Variants in SIPA1L1 observed in about 807,000 individuals in gnomAD.
The protein encoded by SIPA1L1 is signal-induced proliferation-associated 1-like protein 1.
Under a neutral mutation model 162.7 loss-of-function variants are expected in SIPA1L1, and 26 were observed. The observed-to-expected ratio is 0.16, with a 90% CI of 0.12 to 0.22. The LOEUF is 0.22. Among genes scored for constraint, SIPA1L1 ranks in the 10% least tolerant of loss-of-function variants. The pLI is 1.00. For synonymous variants in SIPA1L1, 829 were observed against 837.4 expected (o/e 0.99, Z 0.17); for missense variants, 1,874 against 2,241.0 (o/e 0.84, Z 3.31).
intron 17 of SIPA1L1, among the ~76,000 whole-genome samples, chr14:71,717,521 C>T (rs1242001555): frequency 5.3e-5 from 8 of 152,158 alleles, no homozygotes; most frequent in East Asian, 1.9e-4. Context: ...TCCCTTCTTA[C>T]GTAATTCCTA....
At chr14:71,738,712 G>A (rs2085546122) in intron 23 of SIPA1L1, among the ~76,000 whole-genome samples, 1 of 152,108 alleles carries the variant, frequency 6.6e-6, no homozygotes, top group Non-Finnish European at 1.5e-5. Flanking sequence ...CAAGACATCA[G>A]CCACCAACAC....
chr14:71,722,257 T>C (rs567997992), intron 17 of SIPA1L1, among the ~76,000 whole-genome samples: 1 of 152,312 alleles, frequency 6.6e-6, no homozygotes, highest in African/African-American at 2.4e-5. Context: ...AAGGTGCTTT[T>C]TTGTGTGGAT....
intron 22 of SIPA1L1, among the ~76,000 whole-genome samples, chr14:71,735,760 A>T (rs2085229882): frequency 6.6e-6 from 1 of 152,178 alleles, no homozygotes; most frequent in African/African-American, 2.4e-5. Flanking sequence ...GCTGATGGTC[A>T]TGCTTATACA....
intron 5 of SIPA1L1, among the ~76,000 whole-genome samples, chr14:71,591,802 A>G (rs1299118827): frequency 6.6e-6 from 1 of 152,242 alleles, no homozygotes; most frequent in Admixed American, 6.5e-5. Flanking sequence ...ACATAATCTG[A>G]GTACAAAATC....
chr14:71,380,963 A>G (rs1432395878), intron 2 of SIPA1L1, among the ~76,000 whole-genome samples: 1 of 152,244 alleles, frequency 6.6e-6, no homozygotes, highest in African/African-American at 2.4e-5. Flanking sequence ...ATGGGAAGAA[A>G]TGAAGGAAAA....
At chr14:71,355,489 C>T (rs376323607) in intron 2 of SIPA1L1, among the ~76,000 whole-genome samples, 4 of 152,290 alleles carry the variant, frequency 2.6e-5, no homozygotes, top group Admixed American at 6.5e-5. Context: ...CATTCAAATA[C>T]GGCATTAGAT....
At chr14:71,625,042 A>T (rs984058157) in intron 7 of SIPA1L1, among the ~76,000 whole-genome samples, 1 of 152,144 alleles carries the variant, frequency 6.6e-6, no homozygotes, top group Non-Finnish European at 1.5e-5. Flanking sequence ...CATTACATTT[A>T]AAAATTACTC....
chr14:71,516,119 A>G (rs2051702792), intron 3 of SIPA1L1, among the ~76,000 whole-genome samples: 1 of 152,232 alleles, frequency 6.6e-6, no homozygotes, highest in Non-Finnish European at 1.5e-5. Flanking sequence ...AACTTGGATC[A>G]GGTCAGCTTG....
intron 19 of SIPA1L1, among the ~76,000 whole-genome samples, chr14:71,729,227 G>C (rs1053495659): frequency 6.6e-6 from 1 of 152,022 alleles, no homozygotes; most frequent in Non-Finnish European, 1.5e-5. Context: ...GTAGAGACGG[G>C]GTTTCACCAT....
chr14:71,687,260 A>T (rs147245257), intron 13 of SIPA1L1, among the ~76,000 whole-genome samples: 1 of 152,184 alleles, frequency 6.6e-6, no homozygotes, highest in East Asian at 1.9e-4. Flanking sequence ...TACCATCTGG[A>T]CTCCTCTCTT....
intron 2 of SIPA1L1, among the ~76,000 whole-genome samples, chr14:71,329,708 T>G (rs749051412): frequency 1.1e-4 from 16 of 152,226 alleles, no homozygotes; most frequent in Non-Finnish European, 2.2e-4. Flanking sequence ...TGAAGTTGAT[T>G]GTATTTTCAT....
intron 2 of SIPA1L1, among the ~76,000 whole-genome samples, chr14:71,346,957 C>CT (rs111518020): frequency 0.02 from 2,792 of 142,668 alleles, 32 homozygotes; most frequent in African/African-American, 0.028. Flanking sequence ...AATATGTAGT[C>CT]TTTTTTTTTT....
intron 2 of SIPA1L1, among the ~76,000 whole-genome samples, chr14:71,384,282 A>G (rs1167279008): frequency 6.6e-6 from 1 of 152,112 alleles, no homozygotes; most frequent in Non-Finnish European, 1.5e-5. Flanking sequence ...CCTAGGGAAG[A>G]GATAAGGTGA....
At chr14:71,647,907 C>G (rs1038809277) in intron 7 of SIPA1L1, among the ~76,000 whole-genome samples, 40 of 147,100 alleles carry the variant, frequency 2.7e-4, no homozygotes, top group African/African-American at 9.9e-4. Flanking sequence ...ATTTTTTTTT[C>G]TTATGTGTGC....
rs112807357 is a variant in SIPA1L1, at chr14:71,619,633, G to T, written c.1629+746G>T. Reference sequence around the variant, plus strand: ...AACTTGTATAATTGGGCCACTTATCGATTTATTGCCTCTCAGTTGCTAATT... The same window carrying T: ...AACTTGTATAATTGGGCCACTTATCTATTTATTGCCTCTCAGTTGCTAATT... On this transcript the variant is annotated intron_variant, in intron 6 of 23. Transcript: ENST00000381232. 4.7e-4 allele frequency among the ~76,000 whole-genome samples: 71 copies of T among 151,962 alleles called. 2 individuals carry two copies. Among genetic ancestry groups the T allele is most frequent in the African/African-American group, 1.6e-3 (68 of 41,398 alleles).
intron 4 of SIPA1L1, among the ~76,000 whole-genome samples, chr14:71,544,312 A>T: frequency 6.6e-6 from 1 of 151,610 alleles, no homozygotes; most frequent in East Asian, 1.9e-4. Flanking sequence ...GTGTGTATAT[A>T]CATATATGTA....
chr14:71,469,304 G>A (rs929459949), intron 2 of SIPA1L1, among the ~76,000 whole-genome samples: 1 of 152,208 alleles, frequency 6.6e-6, no homozygotes, highest in African/African-American at 2.4e-5. Context: ...GTGAGGGGTT[G>A]CTAGATCCAC....
chr14:71,430,974 T>C (rs1041036977), intron 2 of SIPA1L1, among the ~76,000 whole-genome samples: 19 of 152,174 alleles, frequency 1.2e-4, no homozygotes, highest in African/African-American at 4.3e-4. Context: ...AGGTCCTATA[T>C]AGATATACAT....
At chr14:71,604,638 A>G (rs1441156017) in intron 5 of SIPA1L1, among the ~76,000 whole-genome samples, 1 of 152,126 alleles carries the variant, frequency 6.6e-6, no homozygotes, top group African/African-American at 2.4e-5. Flanking sequence ...ATGAAGGATA[A>G]CTGCTGAGTA....
Sources: allele counts gnomAD v4.1 joint callset (sites outside exome capture counted in the v4.1 genomes callset), GRCh38; gene constraint gnomAD v4.1.1; transcripts MANE v1.5; gene names NCBI Gene and HGNC (gene_info 2026-07-23, HGNC 2026-07-21).